The following PRMT8 variants were observed in gnomAD, a reference collection of about 807,000 sequenced individuals.
PRMT8 encodes the protein protein arginine N-methyltransferase 8.
Under a neutral mutation model 47.1 loss-of-function variants are expected in PRMT8, and 7 were observed. That is an observed-to-expected ratio of 0.15 (90% CI 0.08 to 0.28). The LOEUF (loss-of-function observed/expected upper bound fraction) is 0.28. PRMT8 is among the 10% of genes least tolerant of loss of function. The probability of loss-of-function intolerance (pLI) is 1.00; values close to 1 mark genes in which losing one functional copy is unlikely to be tolerated. For synonymous variants in PRMT8, 188 were observed against 186.5 expected, an observed-to-expected ratio of 1.01 and a Z score of -0.07; for missense variants, 237 against 505.4, an observed-to-expected ratio of 0.47 and a Z score of 5.09.
At chr12:3,561,068 C>G (rs1021465950) in intron 4 of PRMT8, among the ~76,000 whole-genome samples, 1 of 152,194 alleles carries the variant, frequency 6.6e-6, no homozygotes, top group Non-Finnish European at 1.5e-5. Context: ...TTGCAACCAC[C>G]CAGTCCTGGG....
At chr12:3,480,083 A>G (rs184857275) in intron 1 of PRMT8, among the ~76,000 whole-genome samples, 180 of 152,318 alleles carry the variant, frequency 1.2e-3, no homozygotes, top group Admixed American at 3.5e-3. Flanking sequence ...ACAAACCCTG[A>G]TGGGCATATT....
chr12:3,390,143 C>T (rs1455059297), intron 1 of PRMT8, among the ~76,000 whole-genome samples: 1 of 152,260 alleles, frequency 6.6e-6, no homozygotes, highest in Non-Finnish European at 1.5e-5. Flanking sequence ...CTAATTGCAG[C>T]TCCAGCTGCA....
intron 1 of PRMT8, among the ~76,000 whole-genome samples, chr12:3,433,887 A>AT (rs1864708967): frequency 6.6e-6 from 1 of 152,212 alleles, no homozygotes; most frequent in East Asian, 1.9e-4. Context: ...TACAGGCGTG[A>AT]GCCACCATGC....
chr12:3,539,791 A>G (rs546855206), intron 1 of PRMT8, among the ~76,000 whole-genome samples: 1 of 152,302 alleles, frequency 6.6e-6, no homozygotes, highest in African/African-American at 2.4e-5. Flanking sequence ...ACCCAGAAAT[A>G]GCAATAATTG....
At chr12:3,467,908 G>T (rs1865119710) in intron 1 of PRMT8, among the ~76,000 whole-genome samples, 1 of 152,184 alleles carries the variant, frequency 6.6e-6, no homozygotes, top group African/African-American at 2.4e-5. Context: ...CCTCAGACAG[G>T]CAGAGACAAG....
chr12:3,464,330 C>G (rs1472935654), intron 1 of PRMT8, among the ~76,000 whole-genome samples: 1 of 151,346 alleles, frequency 6.6e-6, no homozygotes, highest in Non-Finnish European at 1.5e-5. Flanking sequence ...CACCTCAACT[C>G]CTAACGTGCT....
intron 1 of PRMT8, among the ~76,000 whole-genome samples, chr12:3,454,449 A>C (rs868536632): frequency 1.3e-5 from 2 of 152,122 alleles, no homozygotes; most frequent in African/African-American, 4.8e-5. Flanking sequence ...AGGCCACGTG[A>C]TGTAAAAGCA....
At chr12:3,419,993 G>A (rs192738457) in intron 1 of PRMT8, among the ~76,000 whole-genome samples, 2 of 122,440 alleles carry the variant, frequency 1.6e-5, no homozygotes, top group East Asian at 5.0e-4. Context: ...GAGGGGGAGA[G>A]GGGAGAGGGG....
At chr12:3,442,162 A>G (rs1864810159) in intron 1 of PRMT8, among the ~76,000 whole-genome samples, 2 of 152,248 alleles carry the variant, frequency 1.3e-5, no homozygotes, top group Admixed American at 6.5e-5. Flanking sequence ...AAAGCTAGAA[A>G]TGGGACAAAA....
intron 1 of PRMT8, among the ~76,000 whole-genome samples, chr12:3,483,580 G>T (rs747462587): frequency 6.6e-6 from 1 of 152,158 alleles, no homozygotes; most frequent in Non-Finnish European, 1.5e-5. Context: ...AGAGTAGATT[G>T]TGTCTGGTAA....
At chr12:3,495,770 T>C (rs1357324745) in intron 1 of PRMT8, among the ~76,000 whole-genome samples, 1 of 152,204 alleles carries the variant, frequency 6.6e-6, no homozygotes, top group Non-Finnish European at 1.5e-5. Context: ...CCTAATGGGC[T>C]TTAGTCACTC....
intron 1 of PRMT8, among the ~76,000 whole-genome samples, chr12:3,520,866 A>G (rs902896935): frequency 2.0e-5 from 3 of 152,240 alleles, no homozygotes; most frequent in African/African-American, 7.2e-5. Context: ...GGCCTAATAA[A>G]TAGCAGGTGG....
intron 1 of PRMT8, among the ~76,000 whole-genome samples, chr12:3,394,830 C>T (rs1341493530): frequency 6.6e-6 from 1 of 151,390 alleles, no homozygotes; most frequent in Non-Finnish European, 1.5e-5. Context: ...AGCTGTGAAT[C>T]CATCTGGTCC....
At chr12:3,444,543 T>G (rs765478093) in intron 1 of PRMT8, among the ~76,000 whole-genome samples, 7 of 152,258 alleles carry the variant, frequency 4.6e-5, no homozygotes, top group Non-Finnish European at 8.8e-5. Flanking sequence ...AGGCATGTTT[T>G]GTGATCAGCA....
At chr12:3,506,474 A>C (rs1865625737) in intron 1 of PRMT8, among the ~76,000 whole-genome samples, 3 of 152,174 alleles carry the variant, frequency 2.0e-5, no homozygotes, top group Admixed American at 2.0e-4. Context: ...GAGTCAAGAA[A>C]GCAGCTGAAG....
At chr12:3,592,085 C>G in intron 8 of PRMT8, 146 bp from the exon 9 acceptor site, 2 of 895,216 alleles carry the variant, frequency 2.2e-6, no homozygotes, top group East Asian at 2.9e-5. Flanking sequence ...GACTATGCAC[C>G]TGACCCAACA....
In PRMT8 at chr12:3,570,213, C is replaced by CA. The variant is rs377231594; in HGVS notation, c.712+655dup. Among the ~76,000 whole-genome samples, 2 of 152,062 alleles carry CA rather than the reference C, an allele frequency of 1.3e-5. No individual in the cohort carries two copies. The highest frequency in any genetic ancestry group is 4.8e-5 in the African/African-American group (2 of 41,508). On this transcript the variant is annotated intron_variant, in intron 6 of 9. Coordinates refer to ENST00000382622, the MANE Select transcript of PRMT8 (RefSeq NM_019854.5). This position sits in a 1 kb window ranked among gnomAD's most constrained non-coding sequence, Gnocchi z 5.5. Reference sequence around the variant, plus strand: ...TGTGGTTCTCTGAGAACAATAAAGCCAAAAAACTTCTCCTCCCCCGCAATG... The same window carrying CA: ...TGTGGTTCTCTGAGAACAATAAAGCCAAAAAAACTTCTCCTCCCCCGCAATG...
At chr12:3,460,651 T>G (rs1865031157) in intron 1 of PRMT8, among the ~76,000 whole-genome samples, 1 of 152,190 alleles carries the variant, frequency 6.6e-6, no homozygotes. Context: ...TACCCAATAT[T>G]ATATCCCCAT....
intron 4 of PRMT8, among the ~76,000 whole-genome samples, chr12:3,555,862 G>GGTGGTT (rs1565440486): frequency 6.1e-4 from 64 of 105,020 alleles, no homozygotes; most frequent in East Asian, 1.2e-3. Flanking sequence ...CTGGGTGGAT[G>GGTGGTT]GGACCTGAGG....
Sources: gnomAD v4.1 joint callset for allele counts (sites outside exome capture counted in the v4.1 genomes callset) on GRCh38, gnomAD v4.1.1 for gene constraint, Gnocchi (gnomAD v3.1) non-coding constraint, MANE v1.5 for transcripts, NCBI Gene and HGNC (gene_info 2026-07-23, HGNC 2026-07-21) for gene names.